The following ZNF385D variants were observed in gnomAD, a reference collection of about 807,000 sequenced individuals.
ZNF385D encodes zinc finger protein 385D.
A neutral mutation model predicts 35.8 loss-of-function variants in ZNF385D; 15 were observed. That is an observed-to-expected ratio of 0.42 (90% CI 0.28 to 0.64). The LOEUF is 0.64. ZNF385D is among the 30% of genes least tolerant of loss of function. The pLI, the probability that ZNF385D is intolerant of heterozygous loss-of-function variation, is 0.23. For synonymous variants in ZNF385D, 212 were observed against 186.8 expected (o/e 1.13, Z -1.10); for missense variants, 474 against 494.6 (o/e 0.96, Z 0.39).
intron 1 of ZNF385D, among the ~76,000 whole-genome samples, chr3:21,694,521 G>A (rs936480309): frequency 1.3e-5 from 2 of 152,150 alleles, no homozygotes; most frequent in African/African-American, 4.8e-5. Flanking sequence ...GTCACAGCCA[G>A]ATCTGGGTAC....
At chr3:21,552,797 C>T (rs1027431184) in intron 3 of ZNF385D, among the ~76,000 whole-genome samples, 1 of 152,066 alleles carries the variant, frequency 6.6e-6, no homozygotes, top group African/African-American at 2.4e-5. Flanking sequence ...ATCATAATCC[C>T]AGGAAAATAT....
chr3:21,412,477 C>A lies in ZNF385D; in HGVS notation c.*8737G>T, dbSNP rs1392725563. ...AACCAAGTTGAAAAAAAAAGTTTCC[C>A]AAATTGAAAACATTGCCTATGGATT... On this transcript the variant is annotated 3_prime_UTR_variant, in exon 8 of 8. Transcript: ENST00000281523. The A allele has an allele frequency of 6.6e-6, 1 of 151,926 alleles. No individual in the cohort carries two copies. Among genetic ancestry groups the A allele is most frequent in the African/African-American group, 2.4e-5 (1 of 41,376 alleles). 9.4% of individuals were successfully genotyped at this position (151,926 alleles called of 1,614,324 possible). A position where few individuals can be genotyped will look rare whatever the true frequency, so the allele number is the denominator to read the frequency against.
At chr3:21,586,740 T>C (rs9841949) in intron 2 of ZNF385D, among the ~76,000 whole-genome samples, 31,983 of 152,070 alleles carry the variant, frequency 0.21, 3,655 homozygotes, top group African/African-American at 0.3. Context: ...AGGATGGATA[T>C]GTAACCTAAC....
At chr3:21,722,972 T>C (rs1047185179) in intron 1 of ZNF385D, among the ~76,000 whole-genome samples, 1 of 152,226 alleles carries the variant, frequency 6.6e-6, no homozygotes, top group Non-Finnish European at 1.5e-5. Context: ...CTTTGAGTCC[T>C]AGCTCACATA....
intron 2 of ZNF385D, among the ~76,000 whole-genome samples, chr3:22,278,398 G>A (rs905378434): frequency 2.0e-5 from 3 of 152,094 alleles, no homozygotes; most frequent in African/African-American, 7.2e-5. Context: ...CCTCATGAAA[G>A]AGTTTGACCA....
intron 3 of ZNF385D, among the ~76,000 whole-genome samples, chr3:21,818,823 A>G (rs2073272340): frequency 6.6e-6 from 1 of 151,982 alleles, no homozygotes; most frequent in African/African-American, 2.4e-5. Context: ...TTAATGAAAC[A>G]TCATTTCAGG....
At chr3:21,506,414 T>C (rs1417031960) in intron 4 of ZNF385D, among the ~76,000 whole-genome samples, 1 of 152,170 alleles carries the variant, frequency 6.6e-6, no homozygotes, top group Non-Finnish European at 1.5e-5. Context: ...CAATATAACC[T>C]AGCCTAACCT....
chr3:21,421,602 T>C (rs1240942856), intron 7 of ZNF385D, among the ~76,000 whole-genome samples, 155 bp from the exon 8 acceptor site: 20 of 152,142 alleles, frequency 1.3e-4, no homozygotes, highest in Non-Finnish European at 1.2e-4. Context: ...ATGGGAAGTA[T>C]AGAACATTTT....
chr3:21,960,971 T>C (rs1702554546), intron 3 of ZNF385D, among the ~76,000 whole-genome samples: 1 of 152,074 alleles, frequency 6.6e-6, no homozygotes, highest in Admixed American at 6.6e-5. Flanking sequence ...AAATTACAGC[T>C]AGATGGGAGG....
At chr3:21,436,928 T>A in intron 5 of ZNF385D, 42 bp downstream of exon 5, 1 of 1,576,662 alleles carries the variant, frequency 6.3e-7, no homozygotes, top group Non-Finnish European at 8.7e-7. Context: ...AGGAAGATAA[T>A]TGCAGAGCTG....
intron 3 of ZNF385D, among the ~76,000 whole-genome samples, chr3:22,099,624 C>G (rs1312436163): frequency 6.6e-6 from 1 of 151,776 alleles, no homozygotes; most frequent in Non-Finnish European, 1.5e-5. Flanking sequence ...GGAAATAATC[C>G]CTTGTGTGCC....
At chr3:22,339,717 A>G (rs1695335362) in intron 2 of ZNF385D, among the ~76,000 whole-genome samples, 1 of 152,050 alleles carries the variant, frequency 6.6e-6, no homozygotes, top group Non-Finnish European at 1.5e-5. Flanking sequence ...TTATGTGCTC[A>G]CTCCTTAGAA....
At chr3:22,129,421 T>C (rs1469694916) in intron 3 of ZNF385D, among the ~76,000 whole-genome samples, 4 of 152,160 alleles carry the variant, frequency 2.6e-5, no homozygotes, top group East Asian at 1.9e-4. Context: ...GTGCAGCAGG[T>C]TCCCTTCTGG....
In ZNF385D at chr3:21,443,485, C is replaced by T. The variant is rs1176264951; in HGVS notation, c.440-6282G>A. 2.6e-5 allele frequency among the ~76,000 whole-genome samples: 4 copies of T among 152,012 alleles called. No homozygotes were observed. The East Asian group carries it at 7.7e-4, about 29-fold the overall frequency. ...AATCACAGGAGGTAAAAAATAAATG[C>T]AATATAAGTTGTATATGCAAGAGTA... On this transcript the variant is annotated intron_variant, in intron 4 of 7. Coordinates refer to ENST00000281523, the MANE Select transcript of ZNF385D (RefSeq NM_024697.3).
At chr3:22,228,032 C>T (rs1383731117) in intron 2 of ZNF385D, among the ~76,000 whole-genome samples, 1 of 152,176 alleles carries the variant, frequency 6.6e-6, no homozygotes, top group Non-Finnish European at 1.5e-5. Flanking sequence ...TGAGGTTTGC[C>T]TGTCTGCATC....
chr3:21,737,552 A>T (rs1286040115), intron 1 of ZNF385D, among the ~76,000 whole-genome samples: 2 of 152,094 alleles, frequency 1.3e-5, no homozygotes, highest in Non-Finnish European at 2.9e-5. Flanking sequence ...CTTCCATAGA[A>T]TTTAGTCTCT....
intron 2 of ZNF385D, among the ~76,000 whole-genome samples, chr3:22,332,123 C>T (rs1694966291): frequency 6.6e-6 from 1 of 152,194 alleles, no homozygotes; most frequent in South Asian, 2.1e-4. Context: ...TTCACTACTT[C>T]TATCCATTAT....
intron 4 of ZNF385D, among the ~76,000 whole-genome samples, chr3:21,479,544 C>A (rs945076984): frequency 6.6e-6 from 1 of 152,076 alleles, no homozygotes; most frequent in Non-Finnish European, 1.5e-5. Context: ...GCAAATATTT[C>A]TTTGTATGGC....
chr3:22,123,634 T>A (rs1248305626), intron 3 of ZNF385D, among the ~76,000 whole-genome samples: 1 of 152,074 alleles, frequency 6.6e-6, no homozygotes, highest in Non-Finnish European at 1.5e-5. Flanking sequence ...CCAAAGTAGG[T>A]GGATTACCTG....
Sources: allele counts gnomAD v4.1 joint callset (sites outside exome capture counted in the v4.1 genomes callset), GRCh38; gene constraint gnomAD v4.1.1; transcripts MANE v1.5; gene names NCBI Gene and HGNC (gene_info 2026-07-23, HGNC 2026-07-21).